The following NKAIN3 variants were observed in gnomAD, a reference collection of about 807,000 sequenced individuals.
NKAIN3 encodes sodium/potassium-transporting ATPase subunit beta-1-interacting protein 3.
Under a neutral mutation model 30.2 loss-of-function variants are expected in NKAIN3, and 25 were observed. That is an observed-to-expected ratio of 0.83 (90% confidence interval 0.60 to 1.16). The LOEUF (loss-of-function observed/expected upper bound fraction) is 1.16. NKAIN3 is among the 50% of genes most tolerant of loss of function. The pLI is 0.00. For synonymous variants in NKAIN3, 91 were observed against 89.6 expected (o/e 1.02, Z -0.09); for missense variants, 225 against 254.1 (o/e 0.89, Z 0.78).
At chr8:62,571,094 T>G (rs2130019671) in intron 1 of NKAIN3, among the ~76,000 whole-genome samples, 1 of 152,220 alleles carries the variant, frequency 6.6e-6, no homozygotes, top group Admixed American at 6.5e-5. Flanking sequence ...AAGTTGGTAT[T>G]TCCTAGGCCA....
chr8:62,564,952 G>T (rs559596954), intron 1 of NKAIN3, among the ~76,000 whole-genome samples: 28 of 152,118 alleles, frequency 1.8e-4, no homozygotes, highest in Non-Finnish European at 3.7e-4. Flanking sequence ...AATATTGTAT[G>T]TTTCCATACA....
chr8:62,298,717 T>A (rs1333337207), intron 1 of NKAIN3, among the ~76,000 whole-genome samples: 1 of 152,136 alleles, frequency 6.6e-6, no homozygotes, highest in Non-Finnish European at 1.5e-5. Context: ...TTAAAAAGAA[T>A]CTTTCCAACC....
At chr8:62,695,578 A>G (rs1429266562) in intron 3 of NKAIN3, among the ~76,000 whole-genome samples, 1 of 152,154 alleles carries the variant, frequency 6.6e-6, no homozygotes, top group Non-Finnish European at 1.5e-5. Context: ...GTAATTGACA[A>G]TAAATCCAAA....
intron 4 of NKAIN3, among the ~76,000 whole-genome samples, chr8:62,870,889 G>GTCTAC (rs55852839): frequency 0.82 from 122,914 of 150,588 alleles, 51,015 homozygotes; most frequent in African/African-American, 0.92. Flanking sequence ...AAATGAAGCC[G>GTCTAC]TCTTACTGTT....
At chr8:62,901,654 A>G (rs951806350) in intron 4 of NKAIN3, among the ~76,000 whole-genome samples, 1 of 152,152 alleles carries the variant, frequency 6.6e-6, no homozygotes, top group Non-Finnish European at 1.5e-5. Flanking sequence ...TAGGACTTTT[A>G]CGTACGTCCC....
At chr8:62,843,731 G>A (rs1284840707) in intron 4 of NKAIN3, among the ~76,000 whole-genome samples, 3 of 152,102 alleles carry the variant, frequency 2.0e-5, no homozygotes, top group Non-Finnish European at 4.4e-5. Context: ...AAATGACTAA[G>A]TTTGTGATGA....
chr8:62,629,055 C>T (rs1278632185), intron 3 of NKAIN3, among the ~76,000 whole-genome samples: 1 of 152,122 alleles, frequency 6.6e-6, no homozygotes, highest in African/African-American at 2.4e-5. Context: ...TCCCTCCTAA[C>T]ATTTTTGTGT....
chr8:62,445,861 T>G (rs1805472297), intron 1 of NKAIN3, among the ~76,000 whole-genome samples: 1 of 152,154 alleles, frequency 6.6e-6, no homozygotes, highest in Non-Finnish European at 1.5e-5. Flanking sequence ...AGAGAACACA[T>G]TAGAGGAAAA....
chr8:62,595,522 T>A (rs1274534826), intron 3 of NKAIN3, among the ~76,000 whole-genome samples: 1 of 151,844 alleles, frequency 6.6e-6, no homozygotes, highest in African/African-American at 2.4e-5. Context: ...CCGATCCTTG[T>A]CCCTCCCACT....
chr8:62,855,952 T>C (rs1820048279), intron 4 of NKAIN3: 1 of 724,952 alleles, frequency 1.4e-6, no homozygotes, highest in South Asian at 1.5e-5. Context: ...AGACACTTTA[T>C]GTGCAGAGCA....
At chr8:62,989,384 C>T (rs542164507), downstream of NKAIN3, among the ~76,000 whole-genome samples, 1 of 152,114 alleles carries the variant, frequency 6.6e-6, no homozygotes, top group African/African-American at 2.4e-5. Context: ...GCTGGGGAGA[C>T]ATCATAATCA....
intron 1 of NKAIN3, among the ~76,000 whole-genome samples, chr8:62,322,804 G>A (rs977970971): frequency 6.6e-6 from 1 of 152,144 alleles, no homozygotes; most frequent in Non-Finnish European, 1.5e-5. Flanking sequence ...AACTGATAAA[G>A]GGCTAGTATC....
chr8:62,856,463 AG>A (rs1159082935), intron 4 of NKAIN3: 2 of 786,948 alleles, frequency 2.5e-6, no homozygotes, highest in African/African-American at 3.4e-5. Flanking sequence ...GATATGTCAA[AG>A]CCCCCAGGTT....
chr8:62,661,267 C>G (rs149945154), intron 3 of NKAIN3, among the ~76,000 whole-genome samples: 12 of 152,232 alleles, frequency 7.9e-5, no homozygotes, highest in African/African-American at 2.4e-4. Flanking sequence ...CTTGGGCCAT[C>G]ATGATCATGA....
rs78989731 is a variant in NKAIN3, at chr8:62,499,303, G to T, written c.55-80236G>T. ...TGCTGCCTTTCTAGGATGGAATGCC[G>T]TTGAATGATTCCCAAAACCAACTTC... On this transcript the variant is annotated intron_variant, in intron 1 of 6. Coordinates refer to ENST00000623646, the MANE Select transcript of NKAIN3 (RefSeq NM_001304533.3). Among the ~76,000 whole-genome samples the T allele has an allele frequency of 3.4e-3, 519 of 152,166 alleles. 2 individuals are homozygous for T. The highest frequency in any genetic ancestry group is 0.012 in the African/African-American group (500 of 41,532).
chr8:62,919,497 G>C (rs201205319), intron 5 of NKAIN3, among the ~76,000 whole-genome samples: 3 of 151,612 alleles, frequency 2.0e-5, no homozygotes, highest in African/African-American at 7.3e-5. Context: ...CACCCGCCTC[G>C]GCCTCCCAAA....
At position 62,973,781 on chromosome 8, in the gene NKAIN3, G is replaced by C. The variant is rs976432359; in HGVS notation, c.*8374G>C. Among the ~76,000 whole-genome samples, 29 of 152,164 alleles carry C rather than the reference G, an allele frequency of 1.9e-4. No homozygotes were observed. Among genetic ancestry groups the C allele is most frequent in the Admixed American group, 3.3e-4 (5 of 15,280 alleles). On this transcript the variant is annotated 3_prime_UTR_variant, in exon 7 of 7. Transcript: ENST00000623646. ...TGGTATTGCTTAGGTTTTCTTCTAG[G>C]GTTTTAATGGCTTTGGGTTTTACAT...
chr8:62,320,736 C>G lies in NKAIN3; in HGVS notation c.54+71609C>G, dbSNP rs1168304856. 3.3e-5 allele frequency among the ~76,000 whole-genome samples: 5 copies of G among 152,164 alleles called. No homozygotes were observed. In the South Asian group the frequency reaches 8.3e-4, roughly 25 times the overall value. The stretch of plus-strand genomic sequence containing the variant: ...CTGATGGGCTTCCCTTTGTGGGTAT[C>G]CCGACCTTTCTCTCTGTTTGCCCTT... On this transcript the variant is annotated intron_variant, in intron 1 of 6. Transcript: ENST00000623646.
intron 6 of NKAIN3, among the ~76,000 whole-genome samples, chr8:62,958,747 T>C (rs1322811420): frequency 6.6e-6 from 1 of 152,192 alleles, no homozygotes; most frequent in African/African-American, 2.4e-5. Context: ...TCATGACTGG[T>C]GTATTTCCAT....
Sources: gnomAD v4.1 joint callset for allele counts (sites outside exome capture counted in the v4.1 genomes callset) on GRCh38, gnomAD v4.1.1 for gene constraint, MANE v1.5 for transcripts, NCBI Gene and HGNC (gene_info 2026-07-23, HGNC 2026-07-21) for gene names.